The following DNAJC5B variants were observed in gnomAD, a reference collection of about 807,000 sequenced individuals.
DNAJC5B encodes the protein DnaJ heat shock protein family (Hsp40) member C5 beta.
Under a neutral mutation model 24.7 loss-of-function variants are expected in DNAJC5B, and 23 were observed. The observed-to-expected ratio is 0.93, with a 90% CI of 0.67 to 1.32. The LOEUF is 1.32. Among genes scored for constraint, DNAJC5B ranks in the 40% most tolerant of loss-of-function variants. The pLI is 0.00. For synonymous variants in DNAJC5B, 101 were observed against 90.1 expected (o/e 1.12, Z -0.68); for missense variants, 238 against 240.8 (o/e 0.99, Z 0.08).
In DNAJC5B at chr8:66,044,523, C is replaced by T. The variant is rs1205955885; in HGVS notation, c.-18+912C>T. ...AACACGAAAGATTTAGAACCACACC[C>T]GTAGGACCCCTGGAATTAGAATCTT... On this transcript the variant is annotated intron_variant, in intron 2 of 5. Coordinates refer to ENST00000276570, the MANE Select transcript of DNAJC5B (RefSeq NM_033105.6). Among the ~76,000 whole-genome samples, 5 of 152,046 alleles carry T rather than the reference C, an allele frequency of 3.3e-5. No individual in the cohort carries two copies. In the East Asian group the frequency reaches 5.8e-4, roughly 18 times the overall value.
upstream of DNAJC5B, among the ~76,000 whole-genome samples, chr8:66,019,609 T>C (rs1806056279): frequency 1.3e-5 from 2 of 152,242 alleles, no homozygotes; most frequent in South Asian, 4.1e-4. Flanking sequence ...AAAATACCTT[T>C]AAATAATTTT....
intron 2 of DNAJC5B, among the ~76,000 whole-genome samples, chr8:66,050,719 A>G (rs532354365): frequency 1.3e-5 from 2 of 152,302 alleles, no homozygotes; most frequent in African/African-American, 4.8e-5. Context: ...ATCTACGACT[A>G]TGATCTCTGG....
chr8:66,035,790 A>C (rs951280417), intron 1 of DNAJC5B, among the ~76,000 whole-genome samples: 22 of 152,160 alleles, frequency 1.4e-4, no homozygotes, highest in African/African-American at 4.6e-4. Context: ...TCACAGCCTC[A>C]TGTTTGGGCA....
In DNAJC5B at chr8:66,084,329, A is replaced by C. The variant is rs180789047; in HGVS notation, c.505+3781A>C. Reference sequence around the variant, plus strand: ...AAAATCAAGTGACTCAAGACAAAGAATAAACAGCAATCATCAAGGTTTGAA... The same window carrying C: ...AAAATCAAGTGACTCAAGACAAAGACTAAACAGCAATCATCAAGGTTTGAA... On this transcript the variant is annotated intron_variant, in intron 5 of 5. Coordinates refer to ENST00000276570, the MANE Select transcript of DNAJC5B (RefSeq NM_033105.6). 4.9e-3 allele frequency among the ~76,000 whole-genome samples: 750 copies of C among 152,320 alleles called. 5 individuals carry two copies. The highest frequency in any genetic ancestry group is 0.017 in the African/African-American group (727 of 41,582).
At chr8:66,048,992 A>C (rs1330349857) in intron 2 of DNAJC5B, among the ~76,000 whole-genome samples, 1 of 152,210 alleles carries the variant, frequency 6.6e-6, no homozygotes. Flanking sequence ...TGATCTCTAT[A>C]CTTGGTACTT....
chr8:66,088,851 G>C (rs1007431895), intron 5 of DNAJC5B, among the ~76,000 whole-genome samples: 1 of 152,094 alleles, frequency 6.6e-6, no homozygotes, highest in Non-Finnish European at 1.5e-5. Flanking sequence ...TTTGGTCAAA[G>C]CCATTCAACA....
chr8:66,026,538 G>C (rs964243015), intron 1 of DNAJC5B, among the ~76,000 whole-genome samples: 1 of 152,232 alleles, frequency 6.6e-6, no homozygotes, highest in African/African-American at 2.4e-5. Flanking sequence ...TCTTGCTGCC[G>C]TCCCCTGAGG....
In DNAJC5B at chr8:66,094,197, T is replaced by C. The variant is rs114779223; in HGVS notation, c.506-5740T>C. On this transcript the variant is annotated intron_variant, in intron 5 of 5. Transcript: ENST00000276570. ...TCAAAATCAGGTTTTTGTCAAGTTA[T>C]TTAACAAGAATTCCCTAAGCAAAAC... 7.3e-3 allele frequency among the ~76,000 whole-genome samples: 1,105 copies of C among 152,244 alleles called. 13 individuals carry two copies. Among genetic ancestry groups the C allele is most frequent in the African/African-American group, 0.025 (1,041 of 41,576 alleles).
At chr8:66,045,222 C>T (rs976422499) in intron 2 of DNAJC5B, among the ~76,000 whole-genome samples, 7 of 152,146 alleles carry the variant, frequency 4.6e-5, no homozygotes, top group Non-Finnish European at 1.0e-4. Context: ...CCCACATTGA[C>T]CAACTATCTT....
At chr8:66,087,709 G>A (rs73244932) in intron 5 of DNAJC5B, among the ~76,000 whole-genome samples, 5,643 of 152,244 alleles carry the variant, frequency 0.037, 349 homozygotes, top group African/African-American at 0.12. Flanking sequence ...AACCTGGCTG[G>A]GCAGTCATTA....
chr8:66,092,735 T>C (rs1807872938), intron 5 of DNAJC5B, among the ~76,000 whole-genome samples: 1 of 152,200 alleles, frequency 6.6e-6, no homozygotes, highest in South Asian at 2.1e-4. Flanking sequence ...TCCCTATTTT[T>C]GAACTTAAAT....
At chr8:66,036,579 G>A (rs1056401198) in intron 1 of DNAJC5B, among the ~76,000 whole-genome samples, 1 of 152,114 alleles carries the variant, frequency 6.6e-6, no homozygotes, top group Non-Finnish European at 1.5e-5. Flanking sequence ...AGGTGGCTGG[G>A]GGACAGGCAT....
chr8:66,016,518 C>T, the DNAJC5B span, among the ~76,000 whole-genome samples: 252 of 152,300 alleles, frequency 1.7e-3, 2 homozygotes, highest in Non-Finnish European at 3.0e-3. Flanking sequence ...CAATGCAGAA[C>T]CATGAATCAA....
At chr8:66,050,247 C>A (rs555648590) in intron 2 of DNAJC5B, among the ~76,000 whole-genome samples, 1 of 152,288 alleles carries the variant, frequency 6.6e-6, no homozygotes, top group African/African-American at 2.4e-5. Flanking sequence ...AGTATAATAG[C>A]ACTTAGGAGT....
chr8:66,033,927 A>C (rs1232315427), intron 1 of DNAJC5B, among the ~76,000 whole-genome samples: 1 of 152,088 alleles, frequency 6.6e-6, no homozygotes, highest in Non-Finnish European at 1.5e-5. Context: ...CTGGATACGA[A>C]GGTCTCACTG....
intron 1 of DNAJC5B, among the ~76,000 whole-genome samples, chr8:66,023,942 A>G (rs10092435): frequency 0.47 from 71,356 of 152,028 alleles, 21,530 homozygotes; most frequent in African/African-American, 0.86. Flanking sequence ...AATTAAATTT[A>G]TTGCAAATGT....
intron 3 of DNAJC5B, chr8:66,057,716 A>G (rs1806996522): frequency 6.6e-6 from 1 of 152,264 alleles, no homozygotes; most frequent in Middle Eastern, 3.2e-3. Flanking sequence ...ACCCATTTGA[A>G]TGGCAGCATA....
chr8:66,071,137 C>A (rs1203045320), intron 3 of DNAJC5B, among the ~76,000 whole-genome samples: 1 of 152,116 alleles, frequency 6.6e-6, no homozygotes, highest in Non-Finnish European at 1.5e-5. Context: ...AGGACATAGG[C>A]ATGGGCAAAG....
rs1211154296 is a variant in DNAJC5B at position 66,099,972 on chromosome 8, G to A, written c.541G>A (p.Ala181Thr). Residue 181 changes from alanine (A) to threonine (T), a missense_variant, in exon 6 of 6, where the codon GCA becomes ACA. Transcript: ENST00000276570. The stretch of plus-strand genomic sequence containing the variant: ...TCCAGTTTTTCTCCAGCCTACAAAT[G>A]CAAATGAGAAAACACAGCTAATCAA... ...DFPVFLQPTN[A>T]NEKTQLIKEG... 6.2e-7 allele frequency: 1 copy of A among 1,613,894 alleles called. No individual in the cohort carries two copies. Among genetic ancestry groups the A allele is most frequent in the African/African-American group, 1.3e-5 (1 of 75,010 alleles).
Sources: allele counts gnomAD v4.1 joint callset (sites outside exome capture counted in the v4.1 genomes callset), GRCh38; gene constraint gnomAD v4.1.1; transcripts MANE v1.5; gene names NCBI Gene and HGNC (gene_info 2026-07-23, HGNC 2026-07-21).